The following PLS3 variants were observed in gnomAD, a reference collection of about 807,000 sequenced individuals.
PLS3 encodes the protein plastin-3.
In PLS3, 11 loss-of-function variants were observed where a neutral mutation model predicts 46.5. The observed-to-expected ratio is 0.24, with a 90% CI of 0.15 to 0.39. The LOEUF is 0.39. PLS3 is among the 10% of genes least tolerant of loss of function. PLS3 has a pLI of 1.00. For missense variants in PLS3, 308 were observed against 461.8 expected, an observed-to-expected ratio of 0.67 and a Z score of 3.05; for synonymous variants, 167 against 162.2, an observed-to-expected ratio of 1.03 and a Z score of -0.22.
chrX:115,591,946 G>A (rs1370209178), intron 1 of PLS3, among the ~76,000 whole-genome samples: 1 of 111,863 alleles, frequency 8.9e-6, no homozygotes, highest in Non-Finnish European at 1.9e-5. Context: ...GATATTTCAC[G>A]AAGGTTTTGT....
At chrX:115,635,128 G>A (rs1444443497) in intron 7 of PLS3, 82 bp downstream of exon 7, 2 of 815,622 alleles carry the variant, frequency 2.5e-6, no homozygotes, top group East Asian at 6.3e-5. Flanking sequence ...TCACTTAATG[G>A]AGGTGATTAA....
chrX:115,649,607 C>T lies in PLS3; in HGVS notation c.*46C>T. 6 of 1,131,259 alleles carry T rather than the reference C, an allele frequency of 5.3e-6. No individual in the cohort carries two copies. Among genetic ancestry groups the T allele is most frequent in the East Asian group, 3.0e-5 (1 of 33,103 alleles). 93.2% of individuals were successfully genotyped at this position (1,131,259 alleles called of 1,213,427 possible). ...CAGCCATGCTCCCAGGTGCATGATTCGCAGGTCAGCTATTTCCAGGTGAAG... is the reference window on the plus strand; with the variant it reads ...CAGCCATGCTCCCAGGTGCATGATTTGCAGGTCAGCTATTTCCAGGTGAAG... On this transcript the variant is annotated 3_prime_UTR_variant, in exon 16 of 16. Transcript: ENST00000355899.
chrX:115,562,053 G>C (rs1254266339), intron 1 of PLS3, among the ~76,000 whole-genome samples: 2 of 110,275 alleles, frequency 1.8e-5, no homozygotes, highest in Non-Finnish European at 3.8e-5. Flanking sequence ...GCGCGCGGTC[G>C]GGGCGGCGGC....
At chrX:115,599,018 T>C (rs2074415331) in intron 1 of PLS3, among the ~76,000 whole-genome samples, 1 of 111,750 alleles carries the variant, frequency 8.9e-6, no homozygotes, top group Non-Finnish European at 1.9e-5. Flanking sequence ...TTTTAAATAA[T>C]GAAAACAAGT....
chrX:115,613,254 T>C lies in PLS3; in HGVS notation c.73+2931T>C, dbSNP rs189575496. On this transcript the variant is annotated intron_variant, in intron 2 of 15. Transcript: ENST00000355899. Reference sequence around the variant, plus strand: ...AAGAATAATGGGTTTCTTAAATGACTAGGAATAGTATGGGTGTATTCCTTT... The same window carrying C: ...AAGAATAATGGGTTTCTTAAATGACCAGGAATAGTATGGGTGTATTCCTTT... Among the ~76,000 whole-genome samples, 709 of 111,439 alleles carry C rather than the reference T, an allele frequency of 6.4e-3. 4 individuals carry two copies. The highest frequency in any genetic ancestry group is 0.022 in the African/African-American group (661 of 30,712).
At chrX:115,571,186 C>A (rs1161779913) in intron 1 of PLS3, among the ~76,000 whole-genome samples, 1 of 110,839 alleles carries the variant, frequency 9.0e-6, no homozygotes, top group Non-Finnish European at 1.9e-5. Context: ...AGCCACTGAA[C>A]CCTGCCATTT....
chrX:115,606,630 A>G (rs1257559537), intron 1 of PLS3, among the ~76,000 whole-genome samples: 2 of 110,882 alleles, frequency 1.8e-5, no homozygotes, highest in Non-Finnish European at 3.8e-5. Flanking sequence ...TTACTTTTAA[A>G]TTTTCTGTGC....
intron 1 of PLS3, among the ~76,000 whole-genome samples, chrX:115,596,186 A>G (rs1395420326): frequency 8.9e-6 from 1 of 112,209 alleles, no homozygotes; most frequent in Admixed American, 9.5e-5. Flanking sequence ...TTGTATGTGA[A>G]GAATGTGAAG....
intron 1 of PLS3, among the ~76,000 whole-genome samples, chrX:115,564,969 CTGGGTCATGTTT>C (rs1556629954): frequency 9.0e-6 from 1 of 111,682 alleles, no homozygotes; most frequent in African/African-American, 3.2e-5. Flanking sequence ...AAGAAGTCAG[CTGGGTCATGTTT>C]TGAGTCTGTA....
chrX:115,594,590 T>C (rs1320764979), intron 1 of PLS3, among the ~76,000 whole-genome samples: 1 of 108,092 alleles, frequency 9.3e-6, no homozygotes, highest in Non-Finnish European at 1.9e-5. Flanking sequence ...TGAATTGAAG[T>C]GAAGCATGGT....
intron 1 of PLS3, among the ~76,000 whole-genome samples, chrX:115,581,727 T>C (rs1211855579): frequency 8.9e-6 from 1 of 112,588 alleles, no homozygotes; most frequent in Non-Finnish European, 1.9e-5. Context: ...TATATTTAAA[T>C]TGGCTGTTTA....
intron 1 of PLS3, among the ~76,000 whole-genome samples, chrX:115,594,250 C>T (rs1212764913): frequency 1.8e-5 from 2 of 111,272 alleles, no homozygotes; most frequent in Non-Finnish European, 3.8e-5. Flanking sequence ...TGCTCACATA[C>T]ATTAGGATTT....
chrX:115,623,192 A>G (rs1321602130), intron 3 of PLS3, among the ~76,000 whole-genome samples: 2 of 111,657 alleles, frequency 1.8e-5, no homozygotes, highest in African/African-American at 6.5e-5. Flanking sequence ...TATTTGAGAT[A>G]CGTGTTAAAA....
intron 3 of PLS3, among the ~76,000 whole-genome samples, chrX:115,625,943 A>G (rs1186980957): frequency 8.9e-6 from 1 of 112,521 alleles, no homozygotes; most frequent in African/African-American, 3.2e-5. Flanking sequence ...AAAGATGTAT[A>G]GATCAAGAGT....
chrX:115,637,064 A>G (rs2057797118), intron 8 of PLS3, 86 bp downstream of exon 8: 1 of 916,469 alleles, frequency 1.1e-6, no homozygotes. Context: ...AAATCCTAAC[A>G]CTGTATCACC....
At chrX:115,629,684 G>A (rs1261000277) in intron 4 of PLS3, 151 bp from the exon 5 acceptor site, 2 of 403,221 alleles carry the variant, frequency 5.0e-6, no homozygotes, top group Non-Finnish European at 4.2e-6. Flanking sequence ...CCACTGTGTT[G>A]CATCCAAGTG....
At chrX:115,628,516 A>C (rs1556638785) in intron 3 of PLS3, among the ~76,000 whole-genome samples, 1 of 111,776 alleles carries the variant, frequency 8.9e-6, no homozygotes, top group Non-Finnish European at 1.9e-5. Context: ...GACAGATAGA[A>C]TGTCCAATCA....
chrX:115,616,602 G>A (rs782444819), intron 2 of PLS3, among the ~76,000 whole-genome samples: 4 of 111,777 alleles, frequency 3.6e-5, no homozygotes, highest in Non-Finnish European at 7.5e-5. Context: ...CTTTTTACTG[G>A]CCTTCCAAAC....
chrX:115,610,413 C>A, intron 2 of PLS3, 90 bp downstream of exon 2: 1 of 433,890 alleles, frequency 2.3e-6, no homozygotes, highest in Non-Finnish European at 3.9e-6. Context: ...AATGGTTAAT[C>A]AAAAACATTA....
Sources: gnomAD v4.1 joint callset for allele counts (sites outside exome capture counted in the v4.1 genomes callset) on GRCh38, gnomAD v4.1.1 for gene constraint, MANE v1.5 for transcripts, NCBI Gene and HGNC (gene_info 2026-07-23, HGNC 2026-07-21) for gene names.